ANKRD42: variants seen among roughly 807,000 people sequenced by gnomAD.
ANKRD42 encodes the protein ankyrin repeat domain-containing protein 42.
ANKRD42 carries 43 observed loss-of-function variants against 51.5 expected under a neutral mutation model. The ratio of observed to expected loss-of-function variants is 0.83; its 90% CI spans 0.65 to 1.08. ANKRD42 has a LOEUF of 1.08. Among genes scored for constraint, ANKRD42 ranks in the 50% least tolerant of loss-of-function variants. The pLI, the probability that ANKRD42 is intolerant of heterozygous loss-of-function variation, is 0.00. For missense variants in ANKRD42, 608 were observed against 629.3 expected (o/e 0.97, Z 0.36); for synonymous variants, 203 against 213.0 (o/e 0.95, Z 0.41).
chr11:83,225,453 T>A (rs1397107393), intron 6 of ANKRD42, among the ~76,000 whole-genome samples: 1 of 151,680 alleles, frequency 6.6e-6, no homozygotes, highest in Non-Finnish European at 1.5e-5. Context: ...TAATCCCAGC[T>A]ACTTGGGAGG....
downstream of ANKRD42, chr11:83,260,579 T>C (rs1051797053): frequency 6.6e-6 from 1 of 152,194 alleles, no homozygotes; most frequent in African/African-American, 2.4e-5. Flanking sequence ...GACCAATCTC[T>C]TGACTGCTCT....
downstream of ANKRD42, chr11:83,260,160 C>T (rs583772): frequency 0.26 from 39,978 of 152,086 alleles, 5,441 homozygotes; most frequent in Middle Eastern, 0.41. Context: ...GGAGGAAAGA[C>T]GCATTCCCTC....
chr11:83,229,364 G>GTT (rs1457323962), intron 7 of ANKRD42, among the ~76,000 whole-genome samples: 1 of 152,054 alleles, frequency 6.6e-6, no homozygotes, highest in African/African-American at 2.4e-5. Flanking sequence ...TATGAATTTT[G>GTT]AGGGGAACAC....
chr11:83,244,592 C>T (rs569645494), intron 9 of ANKRD42, among the ~76,000 whole-genome samples: 2 of 152,252 alleles, frequency 1.3e-5, no homozygotes, highest in East Asian at 3.9e-4. Context: ...TACTAGATGC[C>T]AGTAGCACCT....
chr11:83,246,108 T>G (rs1478148854), intron 10 of ANKRD42, among the ~76,000 whole-genome samples: 2 of 152,202 alleles, frequency 1.3e-5, no homozygotes, highest in Non-Finnish European at 2.9e-5. Flanking sequence ...AATGGGTACC[T>G]CTCTAATAGC....
chr11:83,208,931 C>T (rs1182898069), intron 3 of ANKRD42, among the ~76,000 whole-genome samples: 1 of 152,192 alleles, frequency 6.6e-6, no homozygotes, highest in Non-Finnish European at 1.5e-5. Flanking sequence ...CAGGCATGAG[C>T]AACCACTCCT....
Position 83,211,387 on chromosome 11 carries a change from G to C in ANKRD42, c.543G>C (p.Trp181Cys), listed in dbSNP as rs1013173533. The change falls in exon 5 of 11, where the codon TGG becomes TGC. Residue 181 changes from tryptophan (W) to cysteine (C), a missense_variant. By Grantham distance (215) the Trp-to-Cys change is radical. Coordinates refer to ENST00000533342, the MANE Select transcript of ANKRD42 (RefSeq NM_001300975.2). ...RLGCLQLLVK[W>C]GCSIEDVDYN... Reference sequence around the variant, plus strand: ...GCTGCTTGCAACTTCTTGTTAAATGGGGTTGTAGCATAGAAGATGTGGACT... The same window carrying C: ...GCTGCTTGCAACTTCTTGTTAAATGCGGTTGTAGCATAGAAGATGTGGACT... 2.6e-5 allele frequency: 42 copies of C among 1,613,994 alleles called. No homozygotes were observed. Among genetic ancestry groups the C allele is most frequent in the Non-Finnish European group, 3.4e-5 (40 of 1,180,030 alleles).
At chr11:83,240,207 G>A (rs1863345351) in intron 8 of ANKRD42, among the ~76,000 whole-genome samples, 1 of 152,156 alleles carries the variant, frequency 6.6e-6, no homozygotes, top group South Asian at 2.1e-4. Context: ...CGTTCACAGA[G>A]ATGCAGGAAA....
In ANKRD42 at chr11:83,198,575, T is replaced by C; in HGVS notation, c.155T>C (p.Ile52Thr). 1 of 1,613,622 alleles carries C rather than the reference T, an allele frequency of 6.2e-7. No individual in the cohort carries two copies. Among genetic ancestry groups the C allele is most frequent in the South Asian group, 1.1e-5 (1 of 91,010 alleles). The change falls in exon 2 of 11, where the codon ATT becomes ACT. Residue 52 changes from isoleucine to threonine, a missense_variant. Coordinates refer to ENST00000533342, the MANE Select transcript of ANKRD42 (RefSeq NM_001300975.2). The stretch of plus-strand genomic sequence containing the variant: ...GAAATAGTGGTACGTGGAGCCAGCA[T>C]TAATGAACTTGATGTTCTCCATAAG... ...LSEIVVRGAS[I>T]NELDVLHKFT... is the part of the protein sequence containing the mutation.
chr11:83,249,657 C>A (rs1335784433), downstream of ANKRD42, among the ~76,000 whole-genome samples: 1 of 152,196 alleles, frequency 6.6e-6, no homozygotes, highest in Non-Finnish European at 1.5e-5. Flanking sequence ...ACTCTACCAA[C>A]AATGTGTAGG....
At chr11:83,201,573 G>C (rs2135482773) in intron 2 of ANKRD42, among the ~76,000 whole-genome samples, 1 of 152,312 alleles carries the variant, frequency 6.6e-6, no homozygotes, top group African/African-American at 2.4e-5. Context: ...TTGAGGAATT[G>C]CTACACTGTC....
chr11:83,260,995 G>A (rs901075485), downstream of ANKRD42: 1 of 152,084 alleles, frequency 6.6e-6, no homozygotes, highest in Non-Finnish European at 1.5e-5. Context: ...TGGTTTTTGA[G>A]TATCAAATAT....
chr11:83,231,221 G>A (rs1278044603), intron 7 of ANKRD42, among the ~76,000 whole-genome samples: 1 of 152,132 alleles, frequency 6.6e-6, no homozygotes, highest in African/African-American at 2.4e-5. Context: ...ACCAGCATTC[G>A]TTATTGCCTG....
chr11:83,259,416 T>C (rs1039242459), downstream of ANKRD42: 2 of 152,182 alleles, frequency 1.3e-5, no homozygotes, highest in African/African-American at 4.8e-5. Flanking sequence ...TATTCTTCTG[T>C]TATTGGATAC....
chr11:83,194,762 C>G (rs371144135), intron 1 of ANKRD42, 34 bp downstream of exon 1: 9 of 1,536,092 alleles, frequency 5.9e-6, no homozygotes, highest in East Asian at 4.5e-5. Flanking sequence ...TCATCTCTGT[C>G]GTATTCCTTT....
downstream of ANKRD42, among the ~76,000 whole-genome samples, chr11:83,253,528 A>G (rs1471758738): frequency 1.3e-5 from 2 of 152,232 alleles, no homozygotes; most frequent in Non-Finnish European, 2.9e-5. Flanking sequence ...CAGGGCAAAA[A>G]AATACATACA....
chr11:83,224,409 T>G (rs546076408), intron 5 of ANKRD42, among the ~76,000 whole-genome samples: 8 of 152,322 alleles, frequency 5.3e-5, no homozygotes, highest in African/African-American at 1.9e-4. Context: ...TCGGTGACCC[T>G]CATCTGGTCT....
intron 11 of ANKRD42, among the ~76,000 whole-genome samples, chr11:83,254,175 T>G (rs575343907): frequency 1.3e-5 from 2 of 151,986 alleles, no homozygotes; most frequent in East Asian, 3.9e-4. Context: ...GAGAGGGGAT[T>G]GTTGTCCAGG....
At chr11:83,207,237 C>T (rs1862111857) in intron 3 of ANKRD42, among the ~76,000 whole-genome samples, 1 of 152,176 alleles carries the variant, frequency 6.6e-6, no homozygotes. Context: ...GATTCAATTA[C>T]CTCCCACTGT....
Sources: allele counts gnomAD v4.1 joint callset (sites outside exome capture counted in the v4.1 genomes callset), GRCh38; gene constraint gnomAD v4.1.1; transcripts MANE v1.5; gene names NCBI Gene and HGNC (gene_info 2026-07-23, HGNC 2026-07-21).